Variants in PPP1R9A observed in about 807,000 individuals in gnomAD.
The protein encoded by PPP1R9A is neurabin-1.
Under a neutral mutation model 141.9 loss-of-function variants are expected in PPP1R9A, and 59 were observed. That is an observed-to-expected ratio of 0.42 (90% CI 0.34 to 0.52). The LOEUF (loss-of-function observed/expected upper bound fraction) is 0.52, where lower values mean the gene tolerates loss of function less well. PPP1R9A is among the 20% of genes least tolerant of loss of function. The pLI is 0.10. For missense variants in PPP1R9A, 1,444 were observed against 1,611.9 expected, an observed-to-expected ratio of 0.90 and a Z score of 1.78; for synonymous variants, 500 against 569.7, an observed-to-expected ratio of 0.88 and a Z score of 1.74.
chr7:95,031,121 C>A (rs1035914627), intron 2 of PPP1R9A, among the ~76,000 whole-genome samples: 4 of 152,112 alleles, frequency 2.6e-5, no homozygotes, highest in African/African-American at 9.7e-5. Flanking sequence ...ATGTGTCTAC[C>A]CAAAACTGGA....
intron 4 of PPP1R9A, among the ~76,000 whole-genome samples, chr7:95,140,100 A>G (rs1460139541): frequency 6.6e-6 from 1 of 152,222 alleles, no homozygotes; most frequent in Non-Finnish European, 1.5e-5. Context: ...GCTAGAAAGA[A>G]AAGAAGAAAT....
chr7:95,056,357 C>A (rs926878188), intron 2 of PPP1R9A, among the ~76,000 whole-genome samples: 3 of 152,100 alleles, frequency 2.0e-5, no homozygotes, highest in Non-Finnish European at 2.9e-5. Context: ...TTCACCCTGC[C>A]ACCCAACAGA....
chr7:94,928,098 A>C (rs1182727466), intron 2 of PPP1R9A, among the ~76,000 whole-genome samples: 1 of 152,170 alleles, frequency 6.6e-6, no homozygotes, highest in African/African-American at 2.4e-5. Flanking sequence ...ATCATTAGGG[A>C]GGACTTCTCA....
At position 95,144,770 on chromosome 7, in the gene PPP1R9A, C is replaced by T. The variant is rs143227904; in HGVS notation, c.1650-17097C>T. ...GAAAAAGAAGTAAAAGGCATCCAGA[C>T]GGGAAGGGAAGAAGGTAAACTATTC... is the stretch of plus-strand genomic sequence containing the variant. On this transcript the variant is annotated intron_variant, in intron 4 of 19. Transcript: ENST00000433360. Among the ~76,000 whole-genome samples the T allele has an allele frequency of 2.1e-4, 32 of 152,148 alleles. No individual in the cohort carries two copies. In the East Asian group the frequency reaches 5.2e-3, roughly 25 times the overall value.
intron 2 of PPP1R9A, among the ~76,000 whole-genome samples, chr7:95,086,311 T>C (rs2152314534): frequency 6.6e-6 from 1 of 152,182 alleles, no homozygotes; most frequent in African/African-American, 2.4e-5. Flanking sequence ...ACATATTTTA[T>C]AGGTAGTTTA....
chr7:95,293,777 C>T lies in PPP1R9A; in HGVS notation c.*3474C>T, dbSNP rs1266391732. ...AAATTTGTCTGGGTTCATTGTGCAC[C>T]AGAATTAGCATGTGCTTGAAAATTG... On this transcript the variant is annotated 3_prime_UTR_variant, in exon 20 of 20. Transcript: ENST00000433360. The T allele has an allele frequency of 6.6e-6, 1 of 152,044 alleles. No homozygotes were observed. Among genetic ancestry groups the T allele is most frequent in the African/African-American group, 2.4e-5 (1 of 41,388 alleles). 9.4% of individuals were successfully genotyped at this position (152,044 alleles called of 1,614,324 possible). A position where few individuals can be genotyped will look rare whatever the true frequency, so the allele number is the denominator to read the frequency against.
At chr7:94,915,276 T>C (rs1791933947) in intron 2 of PPP1R9A, among the ~76,000 whole-genome samples, 1 of 152,162 alleles carries the variant, frequency 6.6e-6, no homozygotes, top group Non-Finnish European at 1.5e-5. Flanking sequence ...CTCCGAGTCA[T>C]AGTTAGGGCA....
chr7:95,046,434 A>G (rs1400488390), intron 2 of PPP1R9A, among the ~76,000 whole-genome samples: 7 of 152,092 alleles, frequency 4.6e-5, no homozygotes, highest in African/African-American at 1.2e-4. Context: ...CAGATATTGT[A>G]TTTTCTAAAA....
At chr7:94,973,897 C>T (rs1201017904) in intron 2 of PPP1R9A, among the ~76,000 whole-genome samples, 2 of 151,630 alleles carry the variant, frequency 1.3e-5, no homozygotes, top group East Asian at 1.9e-4. Context: ...TTTTATTTTT[C>T]GTAGAGACAG....
Position 95,294,481 on chromosome 7 carries a change from T to TG in PPP1R9A, c.*4182dup, listed in dbSNP as rs1453604643. The TG allele has an allele frequency of 6.6e-6, 1 of 152,018 alleles. No homozygotes were observed. The highest frequency in any genetic ancestry group is 1.5e-5 in the Non-Finnish European group (1 of 68,024). 9.4% of individuals were successfully genotyped at this position (152,018 alleles called of 1,614,324 possible). A position where few individuals can be genotyped will look rare whatever the true frequency, so the allele number is the denominator to read the frequency against. The stretch of plus-strand genomic sequence containing the variant: ...GAATGGTTTACATTATGATGGGGGA[T>TG]GGGGAGCTGGGGGAGGGCTGTACAT... On this transcript the variant is annotated 3_prime_UTR_variant, in exon 20 of 20. Coordinates refer to ENST00000433360, the MANE Select transcript of PPP1R9A (RefSeq NM_001166160.2).
intron 5 of PPP1R9A, among the ~76,000 whole-genome samples, chr7:95,189,577 C>T (rs1835172285): frequency 6.7e-6 from 1 of 149,634 alleles, no homozygotes. Context: ...GCTGGGACTA[C>T]AGGCGCCCGC....
intron 2 of PPP1R9A, among the ~76,000 whole-genome samples, chr7:95,044,636 C>T (rs997026133): frequency 1.3e-5 from 2 of 148,824 alleles, no homozygotes; most frequent in Non-Finnish European, 3.0e-5. Context: ...CCTCAAACTC[C>T]TGGGCTCAAG....
chr7:94,978,796 A>C (rs777093094), intron 2 of PPP1R9A, among the ~76,000 whole-genome samples: 2 of 152,108 alleles, frequency 1.3e-5, no homozygotes, highest in Non-Finnish European at 2.9e-5. Context: ...AAACATCAAC[A>C]GTTTTTGTTT....
At chr7:95,000,755 C>G (rs1330120584) in intron 2 of PPP1R9A, among the ~76,000 whole-genome samples, 1 of 152,158 alleles carries the variant, frequency 6.6e-6, no homozygotes, top group Admixed American at 6.6e-5. Context: ...CCAAGTCACA[C>G]AGTTAAGTTG....
chr7:95,138,247 A>G (rs1584901123), intron 4 of PPP1R9A, among the ~76,000 whole-genome samples: 1 of 152,140 alleles, frequency 6.6e-6, no homozygotes, highest in African/African-American at 2.4e-5. Context: ...ACTTTCAATA[A>G]AAGTACCATG....
chr7:95,176,372 C>T (rs1563360552), intron 5 of PPP1R9A: 1 of 152,082 alleles, frequency 6.6e-6, no homozygotes, highest in Non-Finnish European at 1.5e-5. Context: ...AGCCTTAGAC[C>T]TTTCCTCTGA....
At position 94,942,461 on chromosome 7, in the gene PPP1R9A, G is replaced by T. The variant is rs12668984; in HGVS notation, c.1395+30953G>T. On this transcript the variant is annotated intron_variant, in intron 2 of 19. Transcript: ENST00000433360. ...CCTCTGTTTGCTTTTGTAAATAAAGGTTTATTGAATACAGCCATACTCATG... is the reference window on the plus strand; with the variant it reads ...CCTCTGTTTGCTTTTGTAAATAAAGTTTTATTGAATACAGCCATACTCATG... 9.2e-5 allele frequency among the ~76,000 whole-genome samples: 14 copies of T among 152,252 alleles called. No homozygotes were observed. In the East Asian group the frequency reaches 1.7e-3, roughly 19 times the overall value.
intron 4 of PPP1R9A, among the ~76,000 whole-genome samples, chr7:95,125,646 C>G (rs993407658): frequency 6.6e-6 from 1 of 152,102 alleles, no homozygotes; most frequent in Non-Finnish European, 1.5e-5. Flanking sequence ...AAATTAGAGG[C>G]AAATTAAAAG....
Position 95,193,316 on chromosome 7 carries a change from T to G in PPP1R9A, c.1755-5033T>G, listed in dbSNP as rs1027614409. On this transcript the variant is annotated intron_variant, in intron 5 of 19. Transcript: ENST00000433360. Reference sequence around the variant, plus strand: ...ATTACACTTTTAAAAGTGAGTATATTTCATGAGATGAATTGTCTGTCTTAT... The same window carrying G: ...ATTACACTTTTAAAAGTGAGTATATGTCATGAGATGAATTGTCTGTCTTAT... Among the ~76,000 whole-genome samples the G allele has an allele frequency of 3.3e-5, 5 of 152,102 alleles. No individual in the cohort carries two copies. The East Asian group carries it at 7.7e-4, about 23-fold the overall frequency.
Sources: gnomAD v4.1 joint callset for allele counts (sites outside exome capture counted in the v4.1 genomes callset) on GRCh38, gnomAD v4.1.1 for gene constraint, MANE v1.5 for transcripts, NCBI Gene and HGNC (gene_info 2026-07-23, HGNC 2026-07-21) for gene names.